RB1CC1: variants seen among roughly 807,000 people sequenced by gnomAD.
The protein encoded by RB1CC1 is RB1 inducible coiled-coil 1.
A neutral mutation model predicts 177.5 loss-of-function variants in RB1CC1; 46 were observed. The ratio of observed to expected loss-of-function variants is 0.26; its 90% CI spans 0.20 to 0.33. The LOEUF is 0.33. Ranked by LOEUF, RB1CC1 falls within the 10% of genes least tolerant of loss-of-function variation. The probability of loss-of-function intolerance (pLI) is 1.00; values close to 1 mark genes in which losing one functional copy is unlikely to be tolerated. For synonymous variants in RB1CC1, 666 were observed against 613.6 expected (o/e 1.09, Z -1.26); for missense variants, 1,703 against 1,816.3 (o/e 0.94, Z 1.13).
Position 52,634,966 on chromosome 8 carries a change from T to C in RB1CC1, c.4395A>G (p.Thr1465=). Residue 1465 remains threonine, a splice_region_variant and synonymous_variant, in exon 20 of 24, where the codon ACA becomes ACG. Coordinates refer to ENST00000025008, the MANE Select transcript of RB1CC1 (RefSeq NM_014781.5). ...TATTTTCTTCTTCTTTCAATTGCAATGTCTGCAGGTGGAAAAAAGAGACCT... is the reference window on the plus strand; with the variant it reads ...TATTTTCTTCTTCTTTCAATTGCAACGTCTGCAGGTGGAAAAAAGAGACCT... ...EKQRIMLLER[T]LQLKEEENKR... is the part of the protein sequence containing the mutation. 2 of 1,607,566 alleles carry C rather than the reference T, an allele frequency of 1.2e-6. No homozygotes were observed. The highest frequency in any genetic ancestry group is 1.7e-6 in the Non-Finnish European group (2 of 1,176,438).
At chr8:52,624,812 C>T in intron 22 of RB1CC1, 25 bp from the exon 23 acceptor site, 1 of 1,422,126 alleles carries the variant, frequency 7.0e-7, no homozygotes, top group Non-Finnish European at 9.5e-7. Flanking sequence ...TAGTTAATCT[C>T]TTTTTGAAAG....
chr8:52,673,139 C>G (rs1056034545), intron 7 of RB1CC1, among the ~76,000 whole-genome samples: 2 of 152,210 alleles, frequency 1.3e-5, no homozygotes, highest in Admixed American at 6.5e-5. Context: ...CGACTGCATG[C>G]TCCTTGAAAA....
intron 6 of RB1CC1, among the ~76,000 whole-genome samples, chr8:52,675,596 T>C (rs922458891): frequency 1.3e-5 from 2 of 151,298 alleles, no homozygotes; most frequent in African/African-American, 2.4e-5. Flanking sequence ...GCTGGCCAGG[T>C]GCAGTGGCTC....
intron 15 of RB1CC1, 33 bp downstream of exon 15, chr8:52,655,975 A>C: frequency 1.4e-6 from 2 of 1,473,040 alleles, no homozygotes; most frequent in Non-Finnish European, 1.8e-6. Flanking sequence ...TGATATTTTA[A>C]TTTTATAATT....
intron 1 of RB1CC1, among the ~76,000 whole-genome samples, chr8:52,713,367 T>G (rs146165710): frequency 6.6e-6 from 1 of 152,162 alleles, no homozygotes; most frequent in East Asian, 1.9e-4. Context: ...GAAGAAACTA[T>G]AGAGATATTC....
chr8:52,709,442 C>A (rs939084909), intron 1 of RB1CC1, among the ~76,000 whole-genome samples: 1 of 152,012 alleles, frequency 6.6e-6, no homozygotes, highest in African/African-American at 2.4e-5. Flanking sequence ...CTAATACAGT[C>A]AAAACTTAGA....
intron 8 of RB1CC1, among the ~76,000 whole-genome samples, chr8:52,665,972 C>A (rs1396018963): frequency 6.6e-6 from 1 of 152,096 alleles, no homozygotes; most frequent in Non-Finnish European, 1.5e-5. Flanking sequence ...AACCTATATC[C>A]TATGATTAGG....
chr8:52,664,914 T>C (rs1396340739), intron 8 of RB1CC1, among the ~76,000 whole-genome samples: 1 of 152,164 alleles, frequency 6.6e-6, no homozygotes, highest in East Asian at 1.9e-4. Context: ...CCTGCCTGAT[T>C]GACTGTTCAA....
At chr8:52,628,637 T>C (rs1036244543) in intron 21 of RB1CC1, among the ~76,000 whole-genome samples, 6 of 152,216 alleles carry the variant, frequency 3.9e-5, no homozygotes, top group Non-Finnish European at 5.9e-5. Flanking sequence ...AGAAGTCAGG[T>C]GCTTAATTAG....
chr8:52,687,964 A>G (rs1315181530), intron 1 of RB1CC1, among the ~76,000 whole-genome samples: 1 of 152,246 alleles, frequency 6.6e-6, no homozygotes, highest in African/African-American at 2.4e-5. Flanking sequence ...GAGCCACAGC[A>G]GAGGAACATA....
At chr8:52,684,119 C>T in intron 3 of RB1CC1, 106 bp from the exon 4 acceptor site, 2 of 1,274,520 alleles carry the variant, frequency 1.6e-6, no homozygotes, top group Non-Finnish European at 2.1e-6. Flanking sequence ...GAATTTCACT[C>T]TAAAACCTTC....
chr8:52,670,817 T>A (rs1051244011), intron 7 of RB1CC1, among the ~76,000 whole-genome samples: 4 of 151,698 alleles, frequency 2.6e-5, no homozygotes, highest in Non-Finnish European at 5.9e-5. Context: ...CCAAACTCTA[T>A]CTCTATTAAA....
intron 1 of RB1CC1, among the ~76,000 whole-genome samples, chr8:52,699,820 AAAAAAAAAAAAT>A (rs1476249958): frequency 2.1e-5 from 2 of 95,924 alleles, no homozygotes; most frequent in African/African-American, 6.8e-5. Context: ...AAAAAAAAAA[AAAAAAAAAAAAT>A]ATATATATAT....
intron 7 of RB1CC1, among the ~76,000 whole-genome samples, chr8:52,668,406 A>G (rs1400841374): frequency 6.6e-6 from 1 of 152,208 alleles, no homozygotes; most frequent in Non-Finnish European, 1.5e-5. Context: ...CATAATTAGG[A>G]ATACATTTTC....
At chr8:52,694,060 CAT>C (rs1410819556) in intron 1 of RB1CC1, among the ~76,000 whole-genome samples, 2 of 152,152 alleles carry the variant, frequency 1.3e-5, no homozygotes, top group African/African-American at 2.4e-5. Context: ...GCTAAAGAAA[CAT>C]ATAGAGGAGA....
intron 15 of RB1CC1, among the ~76,000 whole-genome samples, chr8:52,650,656 T>C (rs1850490504): frequency 6.6e-6 from 1 of 151,680 alleles, no homozygotes; most frequent in Non-Finnish European, 1.5e-5. Context: ...GAAAAAAAAA[T>C]CCCATAAAAC....
chr8:52,647,044 G>C (rs1386846437), intron 15 of RB1CC1, among the ~76,000 whole-genome samples: 1 of 151,726 alleles, frequency 6.6e-6, no homozygotes, highest in Non-Finnish European at 1.5e-5. Flanking sequence ...AATTAATATG[G>C]GCATGTATTT....
At position 52,630,538 on chromosome 8, in the gene RB1CC1, A is replaced by AG; in HGVS notation, c.4441-11_4441-10insC. On this transcript the variant is annotated splice_polypyrimidine_tract_variant and intron_variant, in intron 20 of 23. Transcript: ENST00000025008. ...ACATGCTCTGAGACATCTAAAAAAA[A>AG]AAAAAAAGTTTATGAACTTACACAA... The AG allele has an allele frequency of 6.4e-7, 1 of 1,563,756 alleles. No homozygotes were observed. Among genetic ancestry groups the AG allele is most frequent in the Admixed American group, 2.1e-5 (1 of 47,546 alleles).
At chr8:52,711,120 A>T (rs1384965312) in intron 1 of RB1CC1, among the ~76,000 whole-genome samples, 1 of 152,174 alleles carries the variant, frequency 6.6e-6, no homozygotes, top group Non-Finnish European at 1.5e-5. Flanking sequence ...ATGAAAAAAA[A>T]TGGGCGAGGA....
Sources: gnomAD v4.1 joint callset for allele counts (sites outside exome capture counted in the v4.1 genomes callset) on GRCh38, gnomAD v4.1.1 for gene constraint, MANE v1.5 for transcripts, NCBI Gene and HGNC (gene_info 2026-07-23, HGNC 2026-07-21) for gene names.